PTPRO: variants seen among roughly 807,000 people sequenced by gnomAD.
The protein encoded by PTPRO is protein tyrosine phosphatase receptor type O.
In PTPRO, 62 loss-of-function variants were observed where a neutral mutation model predicts 145.2. The observed-to-expected ratio is 0.43, with a 90% CI of 0.35 to 0.53. The LOEUF (loss-of-function observed/expected upper bound fraction) is 0.53. Among genes scored for constraint, PTPRO ranks in the 20% least tolerant of loss-of-function variants. The probability of loss-of-function intolerance (pLI) is 0.01; values close to 1 mark genes in which losing one functional copy is unlikely to be tolerated. For synonymous variants in PTPRO, 565 were observed against 514.7 expected (o/e 1.10, Z -1.32); for missense variants, 1,345 against 1,482.7 (o/e 0.91, Z 1.53).
intron 10 of PTPRO, among the ~76,000 whole-genome samples, chr12:15,521,831 T>C (rs988683532): frequency 8.5e-5 from 13 of 152,180 alleles, no homozygotes; most frequent in African/African-American, 2.4e-4. Context: ...TGGTTTAAGG[T>C]ATGCCTTTCA....
rs751954059 is a variant in PTPRO at position 15,322,693 on chromosome 12, G to A, written c.-34G>A. 2.5e-6 allele frequency: 4 copies of A among 1,584,792 alleles called. No individual in the cohort carries two copies. The highest frequency in any genetic ancestry group is 2.6e-6 in the Non-Finnish European group (3 of 1,160,606). ...GCCGCCGCCGGGGGAGTCCGCTAGCGCAGCCGTGCCCCCGAGTCCCCGTCC... is the reference window on the plus strand; with the variant it reads ...GCCGCCGCCGGGGGAGTCCGCTAGCACAGCCGTGCCCCCGAGTCCCCGTCC... On this transcript the variant is annotated 5_prime_UTR_variant, in exon 1 of 27. Coordinates refer to ENST00000281171, the MANE Select transcript of PTPRO (RefSeq NM_030667.3). The surrounding 1 kb of genome is among the most constrained non-coding windows in gnomAD (Gnocchi z 6.3).
At chr12:15,560,110 T>C (rs890028801) in intron 16 of PTPRO, 83 bp from the exon 17 acceptor site, 2 of 947,990 alleles carry the variant, frequency 2.1e-6, no homozygotes, top group African/African-American at 1.6e-5. Flanking sequence ...CAATAGGTAA[T>C]TTACTGATAT....
chr12:15,561,380 C>T (rs571236591), intron 17 of PTPRO, among the ~76,000 whole-genome samples: 1 of 152,160 alleles, frequency 6.6e-6, no homozygotes, highest in East Asian at 1.9e-4. Flanking sequence ...TTTAGGATTT[C>T]AAGTTGCACT....
intron 1 of PTPRO, among the ~76,000 whole-genome samples, chr12:15,459,718 G>T (rs936862687): frequency 6.6e-6 from 1 of 152,140 alleles, no homozygotes; most frequent in East Asian, 1.9e-4. Flanking sequence ...TCTAATTCTT[G>T]AATGCCTTCT....
At chr12:15,446,986 C>T (rs756779134) in intron 1 of PTPRO, among the ~76,000 whole-genome samples, 30 of 152,054 alleles carry the variant, frequency 2.0e-4, no homozygotes, top group Non-Finnish European at 3.8e-4. Context: ...ATCTAGCCCC[C>T]TCCTCCCTGC....
In PTPRO at chr12:15,440,127, T is replaced by C. The variant is rs369911073; in HGVS notation, c.76-43847T>C. ...CACCTCATCCCTGAGTCCAGGAACA[T>C]TGGCATCATCTCAGCCCCTGTGCCC... On this transcript the variant is annotated intron_variant, in intron 1 of 26. Coordinates refer to ENST00000281171, the MANE Select transcript of PTPRO (RefSeq NM_030667.3). 1.0e-4 allele frequency: 65 copies of C among 646,090 alleles called. No individual in the cohort carries two copies. The East Asian group carries it at 1.4e-3, about 14-fold the overall frequency. 40.0% of individuals were successfully genotyped at this position (646,090 alleles called of 1,614,324 possible).
chr12:15,480,098 C>T (rs950538120), intron 1 of PTPRO, among the ~76,000 whole-genome samples: 1 of 152,046 alleles, frequency 6.6e-6, no homozygotes, highest in African/African-American at 2.4e-5. Flanking sequence ...TAAAAAAGGC[C>T]TTTGAATAAC....
At chr12:15,474,756 C>A (rs1210005821) in intron 1 of PTPRO, among the ~76,000 whole-genome samples, 1 of 152,190 alleles carries the variant, frequency 6.6e-6, no homozygotes, top group Non-Finnish European at 1.5e-5. Flanking sequence ...TTACTTTTAA[C>A]TGTTCCTTCC....
At chr12:15,339,506 C>G (rs531865998) in intron 1 of PTPRO, among the ~76,000 whole-genome samples, 35 of 152,154 alleles carry the variant, frequency 2.3e-4, no homozygotes, top group Admixed American at 6.5e-4. Flanking sequence ...TTTATAATTC[C>G]AAATTTGCTG....
rs538233683 is a variant in PTPRO, at chr12:15,415,542, A to G, written c.76-68432A>G. Among the ~76,000 whole-genome samples the G allele has an allele frequency of 1.5e-3, 222 of 151,186 alleles. 1 individual carries two copies. Among genetic ancestry groups the G allele is most frequent in the South Asian group, 3.1e-3 (15 of 4,794 alleles). Reference sequence around the variant, plus strand: ...TGGGACTACAGGCACCTGCCACCACACCCGGCTAATTTTTTGTATTTTTAG... The same window carrying G: ...TGGGACTACAGGCACCTGCCACCACGCCCGGCTAATTTTTTGTATTTTTAG... On this transcript the variant is annotated intron_variant, in intron 1 of 26. Coordinates refer to ENST00000281171, the MANE Select transcript of PTPRO (RefSeq NM_030667.3).
intron 12 of PTPRO, among the ~76,000 whole-genome samples, chr12:15,545,190 G>T (rs1343945984): frequency 6.6e-6 from 1 of 151,922 alleles, no homozygotes; most frequent in African/African-American, 2.4e-5. Context: ...CACCTCTAAA[G>T]GACAGGAGCT....
intron 18 of PTPRO, 75 bp downstream of exon 18, chr12:15,565,703 GT>G: frequency 1.8e-6 from 2 of 1,102,690 alleles, no homozygotes; most frequent in Non-Finnish European, 2.7e-6. Flanking sequence ...AAGATTGCTT[GT>G]CTTCAAAGAG....
chr12:15,539,370 C>CT (rs1943131792), intron 12 of PTPRO, among the ~76,000 whole-genome samples: 1 of 152,070 alleles, frequency 6.6e-6, no homozygotes, highest in Admixed American at 6.5e-5. Context: ...CTGAAAAACT[C>CT]TATTGATCTT....
At chr12:15,503,646 A>G (rs116658584) in intron 5 of PTPRO, among the ~76,000 whole-genome samples, 1,841 of 152,248 alleles carry the variant, frequency 0.012, 39 homozygotes, top group African/African-American at 0.042. Context: ...GTAGGAGTAC[A>G]TAAAGATACA....
intron 1 of PTPRO, among the ~76,000 whole-genome samples, chr12:15,331,624 G>A (rs1866612091): frequency 6.6e-6 from 1 of 152,132 alleles, no homozygotes; most frequent in African/African-American, 2.4e-5. Context: ...ATAAACTAAA[G>A]AGAAAAATAG....
At chr12:15,474,545 C>T (rs1326778360) in intron 1 of PTPRO, among the ~76,000 whole-genome samples, 1 of 152,190 alleles carries the variant, frequency 6.6e-6, no homozygotes, top group Non-Finnish European at 1.5e-5. Context: ...TACCGCTGTT[C>T]TCTCAAGCGT....
At chr12:15,535,890 T>C (rs1190187584) in intron 12 of PTPRO, among the ~76,000 whole-genome samples, 1 of 152,172 alleles carries the variant, frequency 6.6e-6, no homozygotes, top group Non-Finnish European at 1.5e-5. Context: ...AATTTGGCTA[T>C]GGACAAGAAA....
intron 1 of PTPRO, among the ~76,000 whole-genome samples, chr12:15,368,492 T>C (rs1938429964): frequency 3.9e-5 from 6 of 152,214 alleles, no homozygotes; most frequent in Admixed American, 3.9e-4. Flanking sequence ...TCTTCCTTTC[T>C]ACAATGTAGG....
intron 15 of PTPRO, 75 bp downstream of exon 15, chr12:15,551,746 C>T (rs1051230032): frequency 2.0e-5 from 30 of 1,511,530 alleles, no homozygotes; most frequent in Non-Finnish European, 2.7e-5. Flanking sequence ...ATTGTTTTTG[C>T]ACACCTAAGT....
Sources: gnomAD v4.1 joint callset for allele counts (sites outside exome capture counted in the v4.1 genomes callset) on GRCh38, gnomAD v4.1.1 for gene constraint, Gnocchi (gnomAD v3.1) non-coding constraint, MANE v1.5 for transcripts, NCBI Gene and HGNC (gene_info 2026-07-23, HGNC 2026-07-21) for gene names.